The following KLF12 variants were observed in gnomAD, a reference collection of about 807,000 sequenced individuals.
KLF12 encodes the protein KLF transcription factor 12.
In KLF12, 9 loss-of-function variants were observed where a neutral mutation model predicts 37.8. The ratio of observed to expected loss-of-function variants is 0.24; its 90% confidence interval spans 0.14 to 0.42. The LOEUF (loss-of-function observed/expected upper bound fraction) is 0.42. Among genes scored for constraint, KLF12 ranks in the 10% least tolerant of loss-of-function variants. The probability of loss-of-function intolerance (pLI) is 1.00; values close to 1 mark genes in which losing one functional copy is unlikely to be tolerated. For missense variants in KLF12, 411 were observed against 516.0 expected (o/e 0.80, Z 1.97); for synonymous variants, 208 against 202.1 (o/e 1.03, Z -0.25).
intron 1 of KLF12, among the ~76,000 whole-genome samples, chr13:74,011,048 T>C (rs561297774): frequency 4.6e-5 from 7 of 152,290 alleles, no homozygotes; most frequent in African/African-American, 1.4e-4. Flanking sequence ...CTCCTTTTTA[T>C]TGCCTCTTTA....
chr13:73,810,891 T>C (rs545060498), intron 5 of KLF12, among the ~76,000 whole-genome samples: 1 of 151,530 alleles, frequency 6.6e-6, no homozygotes, highest in East Asian at 2.0e-4. Context: ...TCAGTGTCTA[T>C]GCTGGCTCAA....
intron 6 of KLF12, among the ~76,000 whole-genome samples, chr13:73,740,527 A>G (rs1877897330): frequency 6.6e-6 from 1 of 152,184 alleles, no homozygotes; most frequent in African/African-American, 2.4e-5. Flanking sequence ...TTTTAAATAG[A>G]GATGGGGTCT....
chr13:74,275,773 TG>T, the KLF12 span, among the ~76,000 whole-genome samples: 1 of 150,830 alleles, frequency 6.6e-6, no homozygotes, highest in Non-Finnish European at 1.5e-5. Context: ...CCATTATGCC[TG>T]TCTTTTTCTT....
intron 6 of KLF12, among the ~76,000 whole-genome samples, chr13:73,752,928 T>A (rs138467560): frequency 0.015 from 2,258 of 151,910 alleles, 56 homozygotes; most frequent in African/African-American, 0.051. Context: ...AATTTTTGTA[T>A]TTTTTAGTAG....
At chr13:74,156,686 T>C in the KLF12 span, among the ~76,000 whole-genome samples, 1 of 151,748 alleles carries the variant, frequency 6.6e-6, no homozygotes, top group African/African-American at 2.4e-5. Flanking sequence ...CCAATTCAAT[T>C]GATTTTTAGA....
chr13:73,785,507 T>A (rs1881282320), intron 5 of KLF12, among the ~76,000 whole-genome samples: 1 of 152,186 alleles, frequency 6.6e-6, no homozygotes, highest in African/African-American at 2.4e-5. Flanking sequence ...CCAATTTTAA[T>A]TGTGCATTTC....
At chr13:73,955,207 A>G (rs753562248) in intron 2 of KLF12, among the ~76,000 whole-genome samples, 2 of 152,246 alleles carry the variant, frequency 1.3e-5, no homozygotes, top group African/African-American at 2.4e-5. Flanking sequence ...TAATAGCAGT[A>G]ATAGTGGTAT....
At chr13:74,179,507 G>T in the KLF12 span, among the ~76,000 whole-genome samples, 3,636 of 152,216 alleles carry the variant, frequency 0.024, 149 homozygotes, top group African/African-American at 0.08. Context: ...TAAATGAAGG[G>T]AGCTGTATAA....
At chr13:73,973,193 G>A (rs759635507) in intron 2 of KLF12, among the ~76,000 whole-genome samples, 1 of 152,102 alleles carries the variant, frequency 6.6e-6, no homozygotes, top group Admixed American at 6.5e-5. Context: ...AGTACTCTTA[G>A]TTATTTAAAA....
intron 3 of KLF12, among the ~76,000 whole-genome samples, chr13:73,852,725 C>T (rs927426159): frequency 7.2e-5 from 11 of 151,730 alleles, no homozygotes; most frequent in Non-Finnish European, 1.2e-4. Flanking sequence ...TGTGGTGAGC[C>T]GAGATCGTGC....
chr13:73,849,961 G>A (rs1328704080), intron 3 of KLF12, among the ~76,000 whole-genome samples: 2 of 152,098 alleles, frequency 1.3e-5, no homozygotes, highest in Non-Finnish European at 2.9e-5. Flanking sequence ...GATTGTATAA[G>A]AACACTGGAT....
At chr13:74,048,848 C>T (rs573691302) in intron 1 of KLF12, among the ~76,000 whole-genome samples, 2 of 152,172 alleles carry the variant, frequency 1.3e-5, no homozygotes, top group Admixed American at 1.3e-4. Flanking sequence ...TCAATAAGCA[C>T]AAGATTTCTG....
chr13:73,765,512 A>C (rs1879851869), intron 5 of KLF12, among the ~76,000 whole-genome samples: 1 of 152,118 alleles, frequency 6.6e-6, no homozygotes, highest in South Asian at 2.1e-4. Flanking sequence ...GGAAGGGTGA[A>C]CAGGTACTCC....
At chr13:73,873,210 G>A (rs945375981) in intron 3 of KLF12, among the ~76,000 whole-genome samples, 1 of 151,934 alleles carries the variant, frequency 6.6e-6, no homozygotes, top group African/African-American at 2.4e-5. Context: ...ATTAAATGAG[G>A]ACTTCAATAA....
chr13:74,035,126 A>T (rs1893214827), intron 1 of KLF12, among the ~76,000 whole-genome samples: 1 of 151,974 alleles, frequency 6.6e-6, no homozygotes, highest in South Asian at 2.1e-4. Context: ...TGGTTCTAGG[A>T]CTCCCACCAC....
chr13:74,011,664 T>C (rs1163678818), intron 1 of KLF12, among the ~76,000 whole-genome samples: 4 of 152,158 alleles, frequency 2.6e-5, no homozygotes, highest in Non-Finnish European at 2.9e-5. Context: ...AATGAAACAA[T>C]GTGTGGGCAT....
At chr13:74,258,234 A>G in the KLF12 span, 1 of 149,028 alleles carries the variant, frequency 6.7e-6, no homozygotes, top group Non-Finnish European at 1.5e-5. Flanking sequence ...ATTATTTTTG[A>G]AGGTATTTGG....
chr13:73,828,374 G>A (rs973822465), intron 4 of KLF12, among the ~76,000 whole-genome samples: 14 of 152,004 alleles, frequency 9.2e-5, no homozygotes, highest in East Asian at 5.8e-4. Flanking sequence ...TGAAAGTTGC[G>A]TTCTATCTAT....
At chr13:73,738,108 T>TACACAC (rs1877625734) in intron 6 of KLF12, among the ~76,000 whole-genome samples, 35 of 58,666 alleles carry the variant, frequency 6.0e-4, no homozygotes, top group African/African-American at 3.7e-3. Context: ...TATATATATA[T>TACACAC]ATATATATAT....
Sources: gnomAD v4.1 joint callset for allele counts (sites outside exome capture counted in the v4.1 genomes callset) on GRCh38, gnomAD v4.1.1 for gene constraint, MANE v1.5 for transcripts, NCBI Gene and HGNC (gene_info 2026-07-23, HGNC 2026-07-21) for gene names.